Variants in MAPK13 observed in about 807,000 individuals in gnomAD.
The protein encoded by MAPK13 is mitogen-activated protein kinase 13, also known as MAP kinase 13.
A neutral mutation model predicts 53.5 loss-of-function variants in MAPK13; 39 were observed. That is an observed-to-expected ratio of 0.73 (90% CI 0.56 to 0.95). The LOEUF is 0.95. Among genes scored for constraint, MAPK13 ranks in the 40% least tolerant of loss-of-function variants. The pLI is 0.00. For synonymous variants in MAPK13, 179 were observed against 190.9 expected (o/e 0.94, Z 0.51); for missense variants, 460 against 471.8 (o/e 0.98, Z 0.23).
chr6:36,144,385 TAC>T lies in MAPK13; in HGVS notation c.*5013_*5014del, dbSNP rs1455408356. 5 of 151,960 alleles carry T rather than the reference TAC, an allele frequency of 3.3e-5. No individual in the cohort carries two copies. Among genetic ancestry groups the T allele is most frequent in the African/African-American group, 9.7e-5 (4 of 41,428 alleles). 9.4% of individuals were successfully genotyped at this position (151,960 alleles called of 1,614,324 possible). A position where few individuals can be genotyped will look rare whatever the true frequency, so the allele number is the denominator to read the frequency against. On this transcript the variant is annotated 3_prime_UTR_variant, in exon 12 of 12. Coordinates refer to ENST00000211287, the MANE Select transcript of MAPK13 (RefSeq NM_002754.5). The stretch of plus-strand genomic sequence containing the variant: ...AGTGTAAACAATATTTTAAGATAGA[TAC>T]CTGTGGCAAACTGTAAAGGGATATG...
Position 36,138,360 on chromosome 6 carries a change from C to T in MAPK13, c.683-5C>T. ...AGCAAGGCTAAGCCTTAACCTGCCA[C>T]CAAGACCTGGACCAGCTGACCCAGA... On this transcript the variant is annotated splice_region_variant and splice_polypyrimidine_tract_variant and intron_variant, in intron 8 of 11. Transcript: ENST00000211287. The T allele has an allele frequency of 6.2e-7, 1 of 1,613,830 alleles. No individual in the cohort carries two copies. Among genetic ancestry groups the T allele is most frequent in the Non-Finnish European group, 8.5e-7 (1 of 1,179,746 alleles).
chr6:36,136,886 C>T lies in MAPK13; in HGVS notation c.618C>T (p.Ile206=). The change falls in exon 8 of 12, where the codon ATC becomes ATT. Residue 206 remains isoleucine (I), a synonymous_variant. Coordinates refer to ENST00000211287, the MANE Select transcript of MAPK13 (RefSeq NM_002754.5). Reference sequence around the variant, plus strand: ...CTCTCCCTCCCTCTGCAGTGGACATCTGGTCTGTGGGCTGTATCATGGCAG... The same window carrying T: ...CTCTCCCTCCCTCTGCAGTGGACATTTGGTCTGTGGGCTGTATCATGGCAG... ...SWMHYNQTVD[I]WSVGCIMAEM... 1.2e-6 allele frequency: 2 copies of T among 1,614,160 alleles called. No individual in the cohort carries two copies. The highest frequency in any genetic ancestry group is 1.7e-6 in the Non-Finnish European group (2 of 1,179,996).
At position 36,130,728 on chromosome 6, in the gene MAPK13, G is replaced by GGGGGGCT; in HGVS notation, c.119+33_119+34insTGGGGGC. ...TGAGACCCCTGGGCCGCTGGGGGGC[G>GGGGGGCT]GGGGGCGGGCGCCAGGCTCTCCCCT... On this transcript the variant is annotated intron_variant, in intron 1 of 11. Coordinates refer to ENST00000211287, the MANE Select transcript of MAPK13 (RefSeq NM_002754.5). This position sits in a 1 kb window ranked among gnomAD's most constrained non-coding sequence, Gnocchi z 4.5. The GGGGGGCT allele has an allele frequency of 1.7e-6, 2 of 1,174,182 alleles. No homozygotes were observed. Among genetic ancestry groups the GGGGGGCT allele is most frequent in the Admixed American group, 2.3e-5 (1 of 43,728 alleles). 72.7% of individuals were successfully genotyped at this position (1,174,182 alleles called of 1,614,324 possible).
intron 5 of MAPK13, 30 bp from the exon 6 acceptor site, chr6:36,136,454 C>G: frequency 1.3e-6 from 2 of 1,558,640 alleles, no homozygotes; most frequent in Non-Finnish European, 1.7e-6. Context: ...TCTGCCTCAG[C>G]CTAGCATGCA....
chr6:36,132,580 G>C (rs1207173197), intron 2 of MAPK13, 41 bp from the exon 3 acceptor site: 1 of 1,594,792 alleles, frequency 6.3e-7, no homozygotes, highest in South Asian at 1.1e-5. Flanking sequence ...GGGAGGAGAA[G>C]GTAGCGTCTG....
rs374963363 is a variant in MAPK13, at chr6:36,136,480, C to G, written c.448-4C>G. 27 of 1,592,556 alleles carry G rather than the reference C, an allele frequency of 1.7e-5. No homozygotes were observed. Among genetic ancestry groups the G allele is most frequent in the East Asian group, 4.5e-5 (2 of 44,826 alleles). ...CTAGCATGCATTCTCTGTCCTCCCC[C>G]CAGGACCTGAAGCCAGGCAACCTGG... On this transcript the variant is annotated splice_polypyrimidine_tract_variant and splice_region_variant and intron_variant, in intron 5 of 11. Transcript: ENST00000211287.
At chr6:36,138,318 C>A in intron 8 of MAPK13, 47 bp from the exon 9 acceptor site, 2 of 1,497,180 alleles carry the variant, frequency 1.3e-6, no homozygotes, top group Non-Finnish European at 1.9e-6. Flanking sequence ...GAAGGGCAGT[C>A]TCAGACCCAC....
At position 36,138,740 on chromosome 6, in the gene MAPK13, G is replaced by A. The variant is rs140263594; in HGVS notation, c.801G>A (p.Arg267=). ...SYIQSLPQTP[R]KDFTQLFPRA... is the part of the protein sequence containing the mutation. ...TCCAGTCCCTGCCACAGACCCCCAG[G>A]AAGGATTTCACTCAGCTGTTCCCAC... The change falls in exon 10 of 12, where the codon AGG becomes AGA. Residue 267 remains arginine, a synonymous_variant. Transcript: ENST00000211287. 23 of 1,614,052 alleles carry A rather than the reference G, an allele frequency of 1.4e-5. No homozygotes were observed. The African/African-American group carries it at 2.5e-4, about 18-fold the overall frequency.
At chr6:36,135,311 G>C (rs1056660131) in intron 3 of MAPK13, among the ~76,000 whole-genome samples, 11 of 152,148 alleles carry the variant, frequency 7.2e-5, no homozygotes, top group African/African-American at 2.7e-4. Flanking sequence ...TTTCCTTCTT[G>C]GAAAGGTAGA....
In MAPK13 at chr6:36,136,702, G is replaced by A; in HGVS notation, c.542G>A (p.Gly181Asp). ...LARHADAEMT[G>D]YVVTRWYRAP... ...CGACATGCAGACGCCGAGATGACTG[G>A]CTACGTGGTGACCCGCTGGTACCGA... Residue 181 changes from glycine to aspartate, a missense_variant, in exon 7 of 12, where the codon GGC (glycine) becomes GAC (aspartate). Transcript: ENST00000211287. The A allele has an allele frequency of 6.2e-7, 1 of 1,614,050 alleles. No homozygotes were observed. Among genetic ancestry groups the A allele is most frequent in the Non-Finnish European group, 8.5e-7 (1 of 1,179,976 alleles).
chr6:36,131,092 C>T (rs1766310124), intron 1 of MAPK13, 179 bp from the exon 2 acceptor site: 2 of 641,264 alleles, frequency 3.1e-6, no homozygotes, highest in Non-Finnish European at 5.1e-6. Flanking sequence ...GCGCTGTGCC[C>T]CTCTCTCAGC....
At chr6:36,131,427 G>C (rs1395569837) in intron 2 of MAPK13, 27 bp downstream of exon 2, 58 of 1,601,548 alleles carry the variant, frequency 3.6e-5, no homozygotes, top group Non-Finnish European at 4.7e-5. Context: ...CCGGGGAGGG[G>C]GTGGGGGCTG....
rs73730463 is a variant in MAPK13, at chr6:36,136,133, G to A, written c.447+85G>A. 7.4e-5 allele frequency: 114 copies of A among 1,539,518 alleles called. No homozygotes were observed. The African/African-American group carries it at 1.5e-3, about 20-fold the overall frequency. ...TCTCTGGCAATCAAGGAGTGGGAAA[G>A]TTGGAGGGAGGGGACACTGCCCAGG... On this transcript the variant is annotated intron_variant, in intron 5 of 11. Transcript: ENST00000211287.
In MAPK13 at chr6:36,139,356, A is replaced by T. The variant is rs1766488156; in HGVS notation, c.1081A>T (p.Ser361Cys). ...PIARKDSRRR[S>C]GMKL ...TGCCCGGAAGGACTCACGGCGCCGGAGTGGCATGAAGCTGTAGGGACTCAT... is the reference window on the plus strand; with the variant it reads ...TGCCCGGAAGGACTCACGGCGCCGGTGTGGCATGAAGCTGTAGGGACTCAT... The change falls in exon 12 of 12, where the codon AGT becomes TGT. Residue 361 changes from serine to cysteine, a missense_variant. Coordinates refer to ENST00000211287, the MANE Select transcript of MAPK13 (RefSeq NM_002754.5). 3.1e-6 allele frequency: 5 copies of T among 1,614,114 alleles called. No individual in the cohort carries two copies. The highest frequency in any genetic ancestry group is 4.2e-6 in the Non-Finnish European group (5 of 1,180,016).
At chr6:36,137,008 T>G in intron 8 of MAPK13, 58 bp downstream of exon 8, 2 of 1,424,950 alleles carry the variant, frequency 1.4e-6, no homozygotes, top group Non-Finnish European at 2.0e-6. Flanking sequence ...CAACAGACAC[T>G]TTATTTAAAT....
intron 2 of MAPK13, among the ~76,000 whole-genome samples, chr6:36,132,308 G>A (rs919739124): frequency 6.6e-6 from 1 of 152,142 alleles, no homozygotes; most frequent in South Asian, 2.1e-4. Context: ...TGCTGCCTAG[G>A]TGAGTTGAGA....
At position 36,130,878 on chromosome 6, in the gene MAPK13, A is replaced by G; in HGVS notation, c.119+177A>G. On this transcript the variant is annotated intron_variant, in intron 1 of 11. Coordinates refer to ENST00000211287, the MANE Select transcript of MAPK13 (RefSeq NM_002754.5). The surrounding 1 kb of genome is among the most constrained non-coding windows in gnomAD (Gnocchi z 4.5). ...CCTTTTCTCACCGAGTGGCTGAGTG[A>G]GGTCTCTGGGGGTTGAGTTGGGACT... 2.0e-6 allele frequency: 1 copy of G among 511,462 alleles called. No individual in the cohort carries two copies. The highest frequency in any genetic ancestry group is 3.5e-6 in the Non-Finnish European group (1 of 289,318). The allele number at this position is 511,462 out of a possible 1,614,324, so 31.7% of individuals were successfully genotyped here. A position where few individuals can be genotyped will look rare whatever the true frequency, so the allele number is the denominator to read the frequency against.
chr6:36,135,972 G>C, intron 4 of MAPK13, 47 bp from the exon 5 acceptor site: 1 of 1,613,130 alleles, frequency 6.2e-7, no homozygotes, highest in Non-Finnish European at 8.5e-7. Flanking sequence ...GAAGTGCCTG[G>C]TGTGGAAGCT....
Position 36,136,547 on chromosome 6 carries a change from G to T in MAPK13, c.495+16G>T, listed in dbSNP as rs765967325. ...TGAACTGAAGGTGAGTGGGCTGCAG[G>T]CTCAGCCCAGAGGCGGGATAGGCCC... On this transcript the variant is annotated intron_variant, in intron 6 of 11. Transcript: ENST00000211287. 1 of 1,600,660 alleles carries T rather than the reference G, an allele frequency of 6.2e-7. No individual in the cohort carries two copies. The highest frequency in any genetic ancestry group is 1.3e-5 in the African/African-American group (1 of 74,760).
Sources: allele counts gnomAD v4.1 joint callset (sites outside exome capture counted in the v4.1 genomes callset), GRCh38; gene constraint gnomAD v4.1.1; non-coding constraint Gnocchi (gnomAD v3.1); transcripts MANE v1.5; gene names NCBI Gene and HGNC (gene_info 2026-07-23, HGNC 2026-07-21).